The following TNS3 variants were observed in gnomAD, a reference collection of about 807,000 sequenced individuals.
TNS3 encodes the protein tensin 3.
In TNS3, 45 loss-of-function variants were observed where a neutral mutation model predicts 140.9. The ratio of observed to expected loss-of-function variants is 0.32; its 90% CI spans 0.25 to 0.41. TNS3 has a LOEUF of 0.41. TNS3 is among the 10% of genes least tolerant of loss of function. The pLI is 1.00. For missense variants in TNS3, 1,716 were observed against 1,906.7 expected (o/e 0.90, Z 1.86); for synonymous variants, 815 against 788.4 (o/e 1.03, Z -0.56).
chr7:47,525,243 G>A (rs565897882), intron 2 of TNS3, among the ~76,000 whole-genome samples: 45 of 152,292 alleles, frequency 3.0e-4, no homozygotes, highest in African/African-American at 9.6e-4. Flanking sequence ...GCCTCCCACC[G>A]AAGCAGAACT....
intron 4 of TNS3, among the ~76,000 whole-genome samples, chr7:47,451,776 A>C (rs1796028074): frequency 6.6e-6 from 1 of 152,194 alleles, no homozygotes; most frequent in Non-Finnish European, 1.5e-5. Flanking sequence ...AGAAGAAATA[A>C]ATGTAAAATC....
chr7:47,511,992 C>T (rs1017257923), intron 2 of TNS3, among the ~76,000 whole-genome samples: 1 of 152,238 alleles, frequency 6.6e-6, no homozygotes, highest in African/African-American at 2.4e-5. Flanking sequence ...CCTTGTTCCA[C>T]CTGTTCCCAT....
intron 9 of TNS3, among the ~76,000 whole-genome samples, chr7:47,428,036 A>G (rs1794747392): frequency 6.6e-6 from 1 of 152,198 alleles, no homozygotes; most frequent in African/African-American, 2.4e-5. Flanking sequence ...ATTAAAGAAC[A>G]AGGGACAGTG....
Position 47,346,247 on chromosome 7 carries a change from C to T in TNS3, c.2391G>A (p.Lys797=), listed in dbSNP as rs376804942. 1 of 1,614,096 alleles carries T rather than the reference C, an allele frequency of 6.2e-7. No homozygotes were observed. Residue 797 remains lysine, a synonymous_variant, in exon 18 of 31, where the codon AAG becomes AAA. Transcript: ENST00000311160. ...GGTTTGGGGCATAGTCCACACCAGC[C>T]TTTCCCCATGCACATTTGGAGAAGG... ...QLPFSKCAWG[K]AGVDYAPNLP...
At chr7:47,437,234 T>C (rs764153050) in intron 7 of TNS3, 29 bp downstream of exon 7, 15 of 1,493,672 alleles carry the variant, frequency 1.0e-5, no homozygotes, top group African/African-American at 2.9e-5. Flanking sequence ...TTTTACAAAA[T>C]GCAGAATATA....
chr7:47,449,134 G>A (rs986982834), intron 4 of TNS3, among the ~76,000 whole-genome samples: 1 of 152,254 alleles, frequency 6.6e-6, no homozygotes, highest in African/African-American at 2.4e-5. Flanking sequence ...TACTGCCCAG[G>A]GAAGTCACTG....
chr7:47,293,776 CGG>C lies in TNS3; in HGVS notation c.3727_3728del (p.Pro1243GlufsTer11). ...LVRHFLIECT[P>X]KGVRLKGCSN... ...AGCACCCTTTCAACCGCACTCCCTT[CGG>C]GGTACACTCGATCAAAAAGTGCCGG... On this transcript the variant is annotated frameshift_variant, in exon 25 of 31. Coordinates refer to ENST00000311160, the MANE Select transcript of TNS3 (RefSeq NM_022748.12). LOFTEE classifies it high-confidence loss of function. 1 of 1,614,178 alleles carries C rather than the reference CGG, an allele frequency of 6.2e-7. No homozygotes were observed.
At chr7:47,424,706 G>A (rs1794558520) in intron 9 of TNS3, among the ~76,000 whole-genome samples, 1 of 152,190 alleles carries the variant, frequency 6.6e-6, no homozygotes, top group African/African-American at 2.4e-5. Context: ...GGACACAAGT[G>A]GGCCAGCCTG....
At chr7:47,291,651 C>A (rs1308015266) in intron 27 of TNS3, among the ~76,000 whole-genome samples, 1 of 152,012 alleles carries the variant, frequency 6.6e-6, no homozygotes, top group Non-Finnish European at 1.5e-5. Flanking sequence ...TTTACATTTA[C>A]AGTTGCCGAG....
At chr7:47,451,114 G>A (rs567213508) in intron 4 of TNS3, among the ~76,000 whole-genome samples, 3 of 151,536 alleles carry the variant, frequency 2.0e-5, no homozygotes, top group African/African-American at 4.8e-5. Context: ...AGCCTGAGAC[G>A]CTGTCTAAAA....
intron 1 of TNS3, among the ~76,000 whole-genome samples, chr7:47,547,793 G>C (rs1483490961): frequency 6.6e-6 from 1 of 152,180 alleles, no homozygotes; most frequent in African/African-American, 2.4e-5. Context: ...CCTCAGCCCA[G>C]AAGAAAATGG....
At chr7:47,377,746 T>TCCTCCTCCTTCTCCTCCTCCCTTTC (rs1791490291) in intron 16 of TNS3, among the ~76,000 whole-genome samples, 1 of 146,960 alleles carries the variant, frequency 6.8e-6, no homozygotes, top group African/African-American at 2.5e-5. Flanking sequence ...CTCCTCCCTT[T>TCCTCCTCCTTCTCCTCCTCCCTTTC]CCTCTTCTTC....
At chr7:47,550,031 A>G (rs1235708455) in intron 1 of TNS3, among the ~76,000 whole-genome samples, 1 of 96,232 alleles carries the variant, frequency 1.0e-5, no homozygotes, top group Non-Finnish European at 2.0e-5. Context: ...CCTCCCACCC[A>G]TCCCCACTCA....
At chr7:47,420,258 C>T (rs772513713) in intron 10 of TNS3, among the ~76,000 whole-genome samples, 1 of 152,146 alleles carries the variant, frequency 6.6e-6, no homozygotes, top group Non-Finnish European at 1.5e-5. Context: ...GGGCTCTTTC[C>T]GCACGCACTA....
At chr7:47,555,505 C>T (rs1262364476) in intron 1 of TNS3, among the ~76,000 whole-genome samples, 1 of 152,052 alleles carries the variant, frequency 6.6e-6, no homozygotes. Flanking sequence ...AAAGTTCTAC[C>T]GTGGATAAAA....
chr7:47,362,289 G>A (rs1053567174), intron 17 of TNS3, among the ~76,000 whole-genome samples: 4 of 152,134 alleles, frequency 2.6e-5, no homozygotes, highest in African/African-American at 9.7e-5. Flanking sequence ...GGCACACAGA[G>A]CACCCAGGTC....
intron 1 of TNS3, among the ~76,000 whole-genome samples, chr7:47,535,803 T>A (rs1799578055): frequency 6.6e-6 from 1 of 152,214 alleles, no homozygotes; most frequent in Non-Finnish European, 1.5e-5. Context: ...CAGGGATCTC[T>A]CGGATAGGTT....
At chr7:47,310,194 G>T (rs576713990) in intron 20 of TNS3, among the ~76,000 whole-genome samples, 1 of 152,286 alleles carries the variant, frequency 6.6e-6, no homozygotes, top group Admixed American at 6.5e-5. Context: ...TCCCCTCAAG[G>T]CATTTCTGAG....
chr7:47,551,456 C>T (rs1030225958), intron 1 of TNS3, among the ~76,000 whole-genome samples: 1 of 152,184 alleles, frequency 6.6e-6, no homozygotes, highest in Non-Finnish European at 1.5e-5. Flanking sequence ...GGTGTGGCCA[C>T]CTCAGGCCAA....
Sources: allele counts gnomAD v4.1 joint callset (sites outside exome capture counted in the v4.1 genomes callset), GRCh38; gene constraint gnomAD v4.1.1; transcripts MANE v1.5; gene names NCBI Gene and HGNC (gene_info 2026-07-23, HGNC 2026-07-21).